Variants in SLC25A12 observed in about 807,000 individuals in gnomAD.
SLC25A12 encodes the protein electrogenic aspartate/glutamate antiporter SLC25A12, mitochondrial.
A neutral mutation model predicts 83.3 loss-of-function variants in SLC25A12; 32 were observed. That is an observed-to-expected ratio of 0.38 (90% CI 0.29 to 0.52). The LOEUF is 0.52. Among genes scored for constraint, SLC25A12 ranks in the 20% least tolerant of loss-of-function variants. The pLI is 0.84. For synonymous variants in SLC25A12, 267 were observed against 291.1 expected (o/e 0.92, Z 0.84); for missense variants, 611 against 835.6 (o/e 0.73, Z 3.31).
Position 171,838,770 on chromosome 2 carries a change from A to T in SLC25A12, c.466-1503T>A, listed in dbSNP as rs78820630. On this transcript the variant is annotated intron_variant, in intron 5 of 17. Transcript: ENST00000422440. ...GTATTTGAAGGATCACAGATGAAAA[A>T]ATCATAGAGTATGTGCATCTGGCTT... is the stretch of plus-strand genomic sequence containing the variant. Among the ~76,000 whole-genome samples, 391 of 152,278 alleles carry T rather than the reference A, an allele frequency of 2.6e-3. 8 individuals carry two copies. The highest frequency in any genetic ancestry group is 0.022 in the East Asian group (112 of 5,176).
chr2:171,805,129 GAC>G (rs1683798289), intron 13 of SLC25A12, among the ~76,000 whole-genome samples: 1 of 146,672 alleles, frequency 6.8e-6, no homozygotes, highest in Admixed American at 6.8e-5. Context: ...TTTTTTTTGA[GAC>G]AGAGTCTCAC....
In SLC25A12 at chr2:171,789,507, A is replaced by T. The variant is rs7604821; in HGVS notation, c.1586-1560T>A. On this transcript the variant is annotated intron_variant, in intron 15 of 17. Coordinates refer to ENST00000422440, the MANE Select transcript of SLC25A12 (RefSeq NM_003705.5). The stretch of plus-strand genomic sequence containing the variant: ...CCTCCCAAAGTGCTGGGATTACAGG[A>T]ATGAGCCACCAAGCTCGGCCTCAGC... Among the ~76,000 whole-genome samples, 119 of 151,984 alleles carry T rather than the reference A, an allele frequency of 7.8e-4. 1 individual carries two copies. In the South Asian group the frequency reaches 0.023, roughly 30 times the overall value.
intron 4 of SLC25A12, 113 bp from the exon 5 acceptor site, chr2:171,844,621 C>T: frequency 2.7e-6 from 2 of 741,010 alleles, no homozygotes; most frequent in Non-Finnish European, 4.5e-6. Flanking sequence ...ATATCATCTG[C>T]TTCTATTAAA....
rs149118566 is a variant in SLC25A12 at position 171,828,306 on chromosome 2, G to A, written c.846-1424C>T. ...AAAGTCCCTAATCCCTACATGTGACGAAATTGGCAGTGGCAGCTCTTCCAG... is the reference window on the plus strand; with the variant it reads ...AAAGTCCCTAATCCCTACATGTGACAAAATTGGCAGTGGCAGCTCTTCCAG... On this transcript the variant is annotated intron_variant, in intron 8 of 17. Coordinates refer to ENST00000422440, the MANE Select transcript of SLC25A12 (RefSeq NM_003705.5). Among the ~76,000 whole-genome samples, 788 of 152,320 alleles carry A rather than the reference G, an allele frequency of 5.2e-3. 8 individuals are homozygous for A. The highest frequency in any genetic ancestry group is 0.017 in the African/African-American group (719 of 41,570).
At chr2:171,868,049 TG>T (rs1685375119) in intron 3 of SLC25A12, among the ~76,000 whole-genome samples, 2 of 152,100 alleles carry the variant, frequency 1.3e-5, no homozygotes, top group Non-Finnish European at 2.9e-5. Context: ...GGTTTCACCA[TG>T]TTAGCCGGGA....
chr2:171,889,383 C>T (rs976910450), intron 2 of SLC25A12, among the ~76,000 whole-genome samples: 16 of 152,204 alleles, frequency 1.1e-4, no homozygotes, highest in African/African-American at 3.9e-4. Flanking sequence ...CCTTACATCG[C>T]TGGTATTGTC....
chr2:171,848,418 G>A, intron 4 of SLC25A12: 1 of 380,104 alleles, frequency 2.6e-6, no homozygotes, highest in South Asian at 1.9e-5. Context: ...TATTGTCAGG[G>A]GGAAAAGTTC....
At chr2:171,816,544 T>C (rs954698499) in intron 9 of SLC25A12, among the ~76,000 whole-genome samples, 2 of 152,198 alleles carry the variant, frequency 1.3e-5, no homozygotes, top group African/African-American at 4.8e-5. Context: ...GTTGTTATAC[T>C]GTATTTTTAA....
At chr2:171,789,420 G>A (rs1338656785) in intron 15 of SLC25A12, among the ~76,000 whole-genome samples, 1 of 152,066 alleles carries the variant, frequency 6.6e-6, no homozygotes, top group African/African-American at 2.4e-5. Flanking sequence ...AGTAGAGACG[G>A]GGTTTCACCG....
In SLC25A12 at chr2:171,845,292, C is replaced by A. The variant is rs552774462; in HGVS notation, c.326-784G>T. On this transcript the variant is annotated intron_variant, in intron 4 of 17. Transcript: ENST00000422440. The stretch of plus-strand genomic sequence containing the variant: ...ACTAACAACGTTATTTACATTCTTA[C>A]AGAGTTCTATACTTACTATAAAAGT... 2.6e-5 allele frequency among the ~76,000 whole-genome samples: 4 copies of A among 152,098 alleles called. No homozygotes were observed. In the East Asian group the frequency reaches 7.7e-4, roughly 29 times the overall value.
chr2:171,876,998 T>A (rs1429855114), intron 2 of SLC25A12, among the ~76,000 whole-genome samples: 1 of 152,236 alleles, frequency 6.6e-6, no homozygotes, highest in Non-Finnish European at 1.5e-5. Context: ...CCAACTCAAG[T>A]ATTTGAAATG....
At chr2:171,819,455 AT>A (rs1684137573) in intron 9 of SLC25A12, among the ~76,000 whole-genome samples, 1 of 41,350 alleles carries the variant, frequency 2.4e-5, no homozygotes, top group Non-Finnish European at 6.9e-5. Context: ...TATAATACTT[AT>A]TATATATTAT....
chr2:171,787,024 A>G (rs1160276491), intron 17 of SLC25A12, among the ~76,000 whole-genome samples: 1 of 152,208 alleles, frequency 6.6e-6, no homozygotes, highest in East Asian at 1.9e-4. Flanking sequence ...AAAAAAGACA[A>G]TTATTTACAC....
intron 17 of SLC25A12, 121 bp from the exon 18 acceptor site, chr2:171,785,596 A>G (rs183535844): frequency 4.6e-6 from 4 of 876,286 alleles, no homozygotes; most frequent in Admixed American, 3.9e-5. Flanking sequence ...AACCATTTCC[A>G]TGGCATCTGT....
intron 2 of SLC25A12, among the ~76,000 whole-genome samples, chr2:171,875,562 A>AT (rs1223635134): frequency 6.6e-6 from 1 of 152,122 alleles, no homozygotes; most frequent in African/African-American, 2.4e-5. Context: ...CACTATCTGG[A>AT]TGACAGGATC....
At chr2:171,792,059 C>G (rs1183432599) in intron 14 of SLC25A12, among the ~76,000 whole-genome samples, 1 of 151,968 alleles carries the variant, frequency 6.6e-6, no homozygotes. Flanking sequence ...GAAAAGAAAC[C>G]CAAATCTTCT....
Position 171,826,815 on chromosome 2 carries a change from C to T in SLC25A12, c.913G>A (p.Ala305Thr), listed in dbSNP as rs759516719. 1.2e-6 allele frequency: 2 copies of T among 1,600,600 alleles called. No individual in the cohort carries two copies. The highest frequency in any genetic ancestry group is 1.7e-6 in the Non-Finnish European group (2 of 1,167,884). The change falls in exon 9 of 18, where the codon GCA becomes ACA. Residue 305 changes from alanine (A) to threonine (T), a missense_variant. Physicochemically the swap from Ala to Thr is moderately conservative, Grantham distance 58. Transcript: ENST00000422440. ...ACTCATACCTGTCTCTGAAGTTCTG[C>T]CAGGTTGTAAGGTAAGGCCCCCTCA... ...LAEGALPYNL[A>T]ELQRQQSPGL...
chr2:171,849,357 C>CA (rs1467226473), intron 4 of SLC25A12, among the ~76,000 whole-genome samples: 5 of 142,688 alleles, frequency 3.5e-5, no homozygotes, highest in African/African-American at 1.0e-4. Context: ...AAAAAAAAAG[C>CA]AAAAAACAAA....
intron 2 of SLC25A12, among the ~76,000 whole-genome samples, chr2:171,869,026 A>G (rs1160861605): frequency 6.6e-6 from 1 of 152,232 alleles, no homozygotes; most frequent in Non-Finnish European, 1.5e-5. Context: ...TACATGCACA[A>G]CATGTAGGAA....
Sources: gnomAD v4.1 joint callset for allele counts (sites outside exome capture counted in the v4.1 genomes callset) on GRCh38, gnomAD v4.1.1 for gene constraint, MANE v1.5 for transcripts, NCBI Gene and HGNC (gene_info 2026-07-23, HGNC 2026-07-21) for gene names.